Variants in CDH11 observed in about 807,000 individuals in gnomAD.
CDH11 encodes cadherin 11, also known as cadherin-11.
CDH11 carries 11 observed loss-of-function variants against 67.8 expected under a neutral mutation model. The ratio of observed to expected loss-of-function variants is 0.16; its 90% confidence interval spans 0.10 to 0.27. The LOEUF is 0.27. Among genes scored for constraint, CDH11 ranks in the 10% least tolerant of loss-of-function variants. The pLI is 1.00. For missense variants in CDH11, 847 were observed against 1,031.2 expected, an observed-to-expected ratio of 0.82 and a Z score of 2.45; for synonymous variants, 419 against 400.0, an observed-to-expected ratio of 1.05 and a Z score of -0.57.
intron 1 of CDH11, among the ~76,000 whole-genome samples, chr16:65,061,766 T>C (rs1455990517): frequency 6.6e-6 from 1 of 152,236 alleles, no homozygotes; most frequent in Non-Finnish European, 1.5e-5. Flanking sequence ...GAGCTGAATG[T>C]TCCGCAGACA....
intron 1 of CDH11, among the ~76,000 whole-genome samples, chr16:65,112,310 A>C (rs573154650): frequency 1.3e-5 from 2 of 152,116 alleles, no homozygotes; most frequent in South Asian, 4.2e-4. Context: ...TGATTCAAGG[A>C]CCTGATGGCA....
chr16:64,953,292 A>G (rs964877403), intron 11 of CDH11, among the ~76,000 whole-genome samples: 159 of 139,594 alleles, frequency 1.1e-3, no homozygotes, highest in African/African-American at 3.9e-3. Flanking sequence ...GTATGTATAT[A>G]CACACACATA....
At position 65,005,012 on chromosome 16, in the gene CDH11, G is replaced by T. The variant is rs889948005; in HGVS notation, c.-143C>A. On this transcript the variant is annotated 5_prime_UTR_variant, in exon 3 of 13. Coordinates refer to ENST00000268603, the MANE Select transcript of CDH11 (RefSeq NM_001797.4). ...TGTCTCTGCTGGTTGAGCTCATCAC[G>T]TCAGGGCTGCCCACGTCCCCAGTTA... 3 of 1,387,162 alleles carry T rather than the reference G, an allele frequency of 2.2e-6. No individual in the cohort carries two copies. The highest frequency in any genetic ancestry group is 2.8e-5 in the East Asian group (1 of 35,398). The allele number at this position is 1,387,162 out of a possible 1,614,324, so 85.9% of individuals were successfully genotyped here. A position where few individuals can be genotyped will look rare whatever the true frequency, so the allele number is the denominator to read the frequency against.
Position 65,039,782 on chromosome 16 carries a change from A to C in CDH11, c.-173+14022T>G, listed in dbSNP as rs2073828571. Among the ~76,000 whole-genome samples the C allele has an allele frequency of 2.0e-5, 3 of 152,190 alleles. No homozygotes were observed. In the South Asian group the frequency reaches 6.2e-4, roughly 31 times the overall value. On this transcript the variant is annotated intron_variant, in intron 2 of 12. Coordinates refer to ENST00000268603, the MANE Select transcript of CDH11 (RefSeq NM_001797.4). ...ATCAGAGTGAACAGGCAACCTACAG[A>C]ATGGGCGAAAATTTTTGCAGTCTAC...
intron 3 of CDH11, 130 bp from the exon 4 acceptor site, chr16:64,998,986 T>C: frequency 1.3e-6 from 1 of 766,608 alleles, no homozygotes; most frequent in Non-Finnish European, 2.1e-6. Context: ...CATCTCCATT[T>C]TACAACAGGA....
intron 7 of CDH11, chr16:64,986,146 A>G (rs925632496): frequency 2.6e-5 from 4 of 152,180 alleles, no homozygotes; most frequent in African/African-American, 9.6e-5. Flanking sequence ...GACTTTCACA[A>G]GGAGTCATAT....
rs1326350749 is a variant in CDH11 at position 64,943,899 on chromosome 16, CCACA to C, written c.*3700_*3703del. ...TAGTGGGGCAGTCAGTCCCACCCAC[CCACA>C]CACATACATAAAGCCAAAAAGCAAA... On this transcript the variant is annotated 3_prime_UTR_variant, in exon 13 of 13. Transcript: ENST00000268603. 4.4e-6 allele frequency: 1 copy of C among 229,296 alleles called. No homozygotes were observed. Among genetic ancestry groups the C allele is most frequent in the African/African-American group, 2.2e-5 (1 of 45,120 alleles). The allele number at this position is 229,296 out of a possible 1,614,324, so 14.2% of individuals were successfully genotyped here.
intron 1 of CDH11, among the ~76,000 whole-genome samples, chr16:65,079,651 G>C (rs1433269347): frequency 6.6e-6 from 1 of 152,134 alleles, no homozygotes; most frequent in Non-Finnish European, 1.5e-5. Context: ...TCTTGATTCA[G>C]TTGACCCCTC....
intron 2 of CDH11, among the ~76,000 whole-genome samples, chr16:65,044,267 A>C (rs767117964): frequency 7.9e-5 from 12 of 152,322 alleles, no homozygotes; most frequent in African/African-American, 1.7e-4. Context: ...CTTGAAGACA[A>C]CTAATTGGCG....
At chr16:65,112,706 C>T (rs768305705) in intron 1 of CDH11, among the ~76,000 whole-genome samples, 2 of 152,172 alleles carry the variant, frequency 1.3e-5, no homozygotes, top group Non-Finnish European at 2.9e-5. Flanking sequence ...CTGTTCTTTA[C>T]AGAACCTTGG....
intron 1 of CDH11, among the ~76,000 whole-genome samples, chr16:65,086,297 T>C (rs2142816971): frequency 6.6e-6 from 1 of 152,328 alleles, no homozygotes; most frequent in Middle Eastern, 3.4e-3. Context: ...CCAATGGTTC[T>C]CAAACTTTAT....
intron 1 of CDH11, among the ~76,000 whole-genome samples, chr16:65,058,472 G>A (rs562702189): frequency 6.6e-5 from 10 of 152,068 alleles, no homozygotes; most frequent in Admixed American, 6.5e-4. Flanking sequence ...CAGGAGAAGG[G>A]GTCACACATA....
intron 1 of CDH11, among the ~76,000 whole-genome samples, chr16:65,076,394 A>G (rs2142784474): frequency 6.6e-6 from 1 of 152,272 alleles, no homozygotes; most frequent in South Asian, 2.1e-4. Context: ...CCTCAGGCTC[A>G]CTGAGCTGCT....
Position 64,947,199 on chromosome 16 carries a change from C to T in CDH11, c.*404G>A, listed in dbSNP as rs1157015845. On this transcript the variant is annotated 3_prime_UTR_variant, in exon 13 of 13. Coordinates refer to ENST00000268603, the MANE Select transcript of CDH11 (RefSeq NM_001797.4). The stretch of plus-strand genomic sequence containing the variant: ...CATATAGAGTGTCCAGAGTTTAAGG[C>T]GAAATTACAGCTCAGAACTGTTGTC... The T allele has an allele frequency of 6.5e-6, 7 of 1,074,984 alleles. No individual in the cohort carries two copies. The highest frequency in any genetic ancestry group is 4.7e-5 in the Admixed American group (1 of 21,332). The allele number at this position is 1,074,984 out of a possible 1,614,324, so 66.6% of individuals were successfully genotyped here. A position where few individuals can be genotyped will look rare whatever the true frequency, so the allele number is the denominator to read the frequency against.
intron 1 of CDH11, among the ~76,000 whole-genome samples, chr16:65,108,460 C>A (rs893170919): frequency 2.0e-5 from 3 of 152,044 alleles, no homozygotes; most frequent in Admixed American, 1.3e-4. Context: ...TGTAAGCTCC[C>A]CCAAATAATA....
Position 64,945,905 on chromosome 16 carries a change from G to A in CDH11, c.*1698C>T. 9.4e-7 allele frequency: 1 copy of A among 1,058,228 alleles called. No individual in the cohort carries two copies. Among genetic ancestry groups the A allele is most frequent in the Non-Finnish European group, 1.1e-6 (1 of 874,848 alleles). The allele number at this position is 1,058,228 out of a possible 1,614,324, so 65.6% of individuals were successfully genotyped here. On this transcript the variant is annotated 3_prime_UTR_variant, in exon 13 of 13. Coordinates refer to ENST00000268603, the MANE Select transcript of CDH11 (RefSeq NM_001797.4). Reference sequence around the variant, plus strand: ...AAAGCACGTGCCCTGTGTGTAGGGGGAAAGAGGGAAAGCACTTGCAGTGTG... The same window carrying A: ...AAAGCACGTGCCCTGTGTGTAGGGGAAAAGAGGGAAAGCACTTGCAGTGTG...
Position 65,033,189 on chromosome 16 carries a change from G to A in CDH11, c.-173+20615C>T, listed in dbSNP as rs78008022. Among the ~76,000 whole-genome samples the A allele has an allele frequency of 6.5e-4, 98 of 149,924 alleles. 1 individual carries two copies. In the East Asian group the frequency reaches 0.015, roughly 23 times the overall value. On this transcript the variant is annotated intron_variant, in intron 2 of 12. Coordinates refer to ENST00000268603, the MANE Select transcript of CDH11 (RefSeq NM_001797.4). ...CTGGTTAACATCATCCTGCTTGCAG[G>A]GCTTGGTCTAGAAGGCCTGCGATGA...
upstream of CDH11, among the ~76,000 whole-genome samples, chr16:65,122,887 G>A (rs1299198740): frequency 1.3e-5 from 2 of 152,192 alleles, no homozygotes; most frequent in Non-Finnish European, 1.5e-5. Flanking sequence ...GGTATCAGTG[G>A]CCCCCGCCGG....
At chr16:65,041,492 T>C (rs2073867613) in intron 2 of CDH11, among the ~76,000 whole-genome samples, 1 of 152,176 alleles carries the variant, frequency 6.6e-6, no homozygotes, top group African/African-American at 2.4e-5. Flanking sequence ...ATAAAAAATG[T>C]CTTATGCCTT....
Sources: allele counts gnomAD v4.1 joint callset (sites outside exome capture counted in the v4.1 genomes callset), GRCh38; gene constraint gnomAD v4.1.1; transcripts MANE v1.5; gene names NCBI Gene and HGNC (gene_info 2026-07-23, HGNC 2026-07-21).